PLSCR4: variants seen among roughly 807,000 people sequenced by gnomAD.
The protein encoded by PLSCR4 is Ca(2+)-dependent phospholipid scramblase 4.
In PLSCR4, 25 loss-of-function variants were observed where a neutral mutation model predicts 36.3. The ratio of observed to expected loss-of-function variants is 0.69; its 90% CI spans 0.50 to 0.96. The LOEUF (loss-of-function observed/expected upper bound fraction) is 0.96. Ranked by LOEUF, PLSCR4 falls within the 40% of genes least tolerant of loss-of-function variation. The pLI is 0.00. For missense variants in PLSCR4, 408 were observed against 414.7 expected (o/e 0.98, Z 0.14); for synonymous variants, 122 against 132.9 (o/e 0.92, Z 0.56).
rs1559894913 is a variant in PLSCR4, at chr3:146,195,188, A to G, written c.881T>C (p.Ile294Thr). Residue 294 changes from isoleucine to threonine, a missense_variant, in exon 8 of 9, where the codon ATT becomes ACT. Transcript: ENST00000354952. ...CACATCCAGGTCTAGTGGGAAGTGA[A>G]TGTCAAAATGGTCAGCATCTGCCAT... Reference protein sequence around the residue: ...SAMADADHFDIHFPLDLDVKM... With the variant: ...SAMADADHFDTHFPLDLDVKM... The G allele has an allele frequency of 6.2e-7, 1 of 1,613,926 alleles. No individual in the cohort carries two copies. Among genetic ancestry groups the G allele is most frequent in the Non-Finnish European group, 8.5e-7 (1 of 1,179,822 alleles).
chr3:146,221,353 ACATAACAC>A (rs1159219181), intron 2 of PLSCR4, among the ~76,000 whole-genome samples: 1 of 152,192 alleles, frequency 6.6e-6, no homozygotes. Flanking sequence ...AAGATTCACA[ACATAACAC>A]CATAAACAAA....
At chr3:146,212,909 GT>G in intron 3 of PLSCR4, among the ~76,000 whole-genome samples, 1 of 151,974 alleles carries the variant, frequency 6.6e-6, no homozygotes, top group Admixed American at 6.5e-5. Context: ...AGTTTCTTAA[GT>G]GTTTTTATCA....
At chr3:146,236,026 G>C (rs1280523692) in intron 1 of PLSCR4, among the ~76,000 whole-genome samples, 2 of 152,016 alleles carry the variant, frequency 1.3e-5, no homozygotes, top group Admixed American at 6.6e-5. Flanking sequence ...ACCTAAAACT[G>C]GAACTTATAT....
chr3:146,244,105 T>C (rs1026268252), intron 1 of PLSCR4, among the ~76,000 whole-genome samples: 3 of 152,188 alleles, frequency 2.0e-5, no homozygotes, highest in Non-Finnish European at 4.4e-5. Context: ...ATCAGTAGCA[T>C]AATGAATTTA....
At chr3:146,231,632 T>A (rs986370256) in intron 1 of PLSCR4, among the ~76,000 whole-genome samples, 2 of 152,230 alleles carry the variant, frequency 1.3e-5, no homozygotes, top group African/African-American at 4.8e-5. Flanking sequence ...CCTGTTTTCT[T>A]ATGCCTGTTG....
intron 3 of PLSCR4, 70 bp from the exon 4 acceptor site, chr3:146,206,831 T>G (rs1454351532): frequency 1.1e-6 from 1 of 946,686 alleles, no homozygotes. Context: ...TTACATGCGA[T>G]GAAATAGATC....
chr3:146,206,455 T>C, intron 4 of PLSCR4, 71 bp downstream of exon 4: 1 of 1,164,688 alleles, frequency 8.6e-7, no homozygotes, highest in Non-Finnish European at 1.3e-6. Flanking sequence ...TCTGGTCTGC[T>C]TTTTTTCTCT....
At chr3:146,221,955 G>T in intron 2 of PLSCR4, 110 bp downstream of exon 2, 1 of 505,758 alleles carries the variant, frequency 2.0e-6, no homozygotes, top group Non-Finnish European at 3.5e-6. Flanking sequence ...ATTTATATTT[G>T]CCAAATGTTA....
intron 3 of PLSCR4, among the ~76,000 whole-genome samples, chr3:146,207,818 A>C (rs2034416420): frequency 6.6e-6 from 1 of 152,120 alleles, no homozygotes; most frequent in African/African-American, 2.4e-5. Context: ...AGGAACCTAG[A>C]TTTCCTTAAA....
At chr3:146,233,709 T>C (rs1034644012) in intron 1 of PLSCR4, among the ~76,000 whole-genome samples, 1 of 152,140 alleles carries the variant, frequency 6.6e-6, no homozygotes, top group Admixed American at 6.6e-5. Context: ...CCACAGAGTT[T>C]AAGCAATCTG....
chr3:146,246,591 G>C (rs967417901), intron 1 of PLSCR4, among the ~76,000 whole-genome samples: 1 of 151,902 alleles, frequency 6.6e-6, no homozygotes, highest in Non-Finnish European at 1.5e-5. Context: ...AAATGTTTTT[G>C]TTATTTAGAG....
Position 146,195,302 on chromosome 3 carries a change from C to T in PLSCR4, c.787-20G>A, listed in dbSNP as rs764146798. The stretch of plus-strand genomic sequence containing the variant: ...TTTGACCTGGAATGACAAGAATGTG[C>T]CTTTATGATGATTGAAACGCATTGA... On this transcript the variant is annotated intron_variant, in intron 7 of 8. Coordinates refer to ENST00000354952, the MANE Select transcript of PLSCR4 (RefSeq NM_020353.3). 1 of 1,601,640 alleles carries T rather than the reference C, an allele frequency of 6.2e-7. No individual in the cohort carries two copies. Among genetic ancestry groups the T allele is most frequent in the South Asian group, 1.1e-5 (1 of 90,760 alleles).
rs1559892373 is a variant in PLSCR4, at chr3:146,192,990, G to A, written c.*1421C>T. ...AATAACCCCATCTAAGAACACTCAG[G>A]CTTTCTTTATTTAATAAGCAGCAGC... is the stretch of plus-strand genomic sequence containing the variant. On this transcript the variant is annotated 3_prime_UTR_variant, in exon 9 of 9. Coordinates refer to ENST00000354952, the MANE Select transcript of PLSCR4 (RefSeq NM_020353.3). The A allele has an allele frequency of 6.6e-6, 1 of 151,716 alleles. No homozygotes were observed. Among genetic ancestry groups the A allele is most frequent in the African/African-American group, 2.4e-5 (1 of 41,282 alleles). The allele number at this position is 151,716 out of a possible 1,614,324, so 9.4% of individuals were successfully genotyped here.
chr3:146,218,622 T>C (rs973326236), intron 3 of PLSCR4, among the ~76,000 whole-genome samples: 2 of 152,106 alleles, frequency 1.3e-5, no homozygotes, highest in Non-Finnish European at 2.9e-5. Context: ...ATTGGTATAT[T>C]ATACTTTCTT....
At chr3:146,227,088 T>C (rs1053230717) in intron 1 of PLSCR4, among the ~76,000 whole-genome samples, 4 of 152,242 alleles carry the variant, frequency 2.6e-5, no homozygotes, top group Non-Finnish European at 1.5e-5. Flanking sequence ...CCTCCTTTAA[T>C]ATTCAGTGAA....
chr3:146,248,252 A>G (rs148179579), intron 1 of PLSCR4, among the ~76,000 whole-genome samples: 1,527 of 152,332 alleles, frequency 0.01, 18 homozygotes, highest in African/African-American at 0.035. Context: ...TTTGTGAAAT[A>G]TATTTCTTCT....
intron 1 of PLSCR4, among the ~76,000 whole-genome samples, chr3:146,223,048 G>C (rs1208482006): frequency 6.6e-6 from 1 of 152,096 alleles, no homozygotes; most frequent in East Asian, 1.9e-4. Context: ...GGAGGATAGT[G>C]GGGGAATAGT....
At chr3:146,195,902 A>G (rs893144318) in intron 7 of PLSCR4, among the ~76,000 whole-genome samples, 3 of 152,338 alleles carry the variant, frequency 2.0e-5, no homozygotes, top group Admixed American at 2.0e-4. Flanking sequence ...CAGTAATAGA[A>G]AATAAGAACT....
Position 146,199,874 on chromosome 3 carries a change from G to A in PLSCR4, c.563C>T (p.Thr188Ile). The A allele has an allele frequency of 6.2e-7, 1 of 1,613,606 alleles. No homozygotes were observed. The highest frequency in any genetic ancestry group is 8.5e-7 in the Non-Finnish European group (1 of 1,179,786). Residue 188 changes from threonine to isoleucine, a missense_variant, in exon 6 of 9, where the codon ACA (threonine) becomes ATA (isoleucine). Physicochemically the swap from Thr to Ile is moderately conservative, Grantham distance 89 (BLOSUM62 -1). Coordinates refer to ENST00000354952, the MANE Select transcript of PLSCR4 (RefSeq NM_020353.3). ...GGTGCATCTGAAGGGTCTCTGCATT[G>A]TCATGATTTCTCGGCCCATACAATC... ...VTDCMGREIM[T>I]MQRPFRCTCC...
Sources: allele counts gnomAD v4.1 joint callset (sites outside exome capture counted in the v4.1 genomes callset), GRCh38; gene constraint gnomAD v4.1.1; transcripts MANE v1.5; gene names NCBI Gene and HGNC (gene_info 2026-07-23, HGNC 2026-07-21).